The following AGO2 variants were observed in gnomAD, a reference collection of about 807,000 sequenced individuals.
AGO2 encodes the protein protein argonaute-2.
In AGO2, 5 loss-of-function variants were observed where a neutral mutation model predicts 102.3. The observed-to-expected ratio is 0.05, with a 90% CI of 0.03 to 0.10. The LOEUF (loss-of-function observed/expected upper bound fraction) is 0.10. AGO2 is among the 10% of genes least tolerant of loss of function. The pLI is 1.00. For synonymous variants in AGO2, 449 were observed against 473.1 expected (o/e 0.95, Z 0.66); for missense variants, 541 against 1,183.7 (o/e 0.46, Z 7.97).
chr8:140,617,221 T>C (rs2152104882), intron 1 of AGO2, among the ~76,000 whole-genome samples: 1 of 152,002 alleles, frequency 6.6e-6, no homozygotes, highest in South Asian at 2.1e-4. Context: ...CTCGGGCGCA[T>C]TGACCTGTTC....
At chr8:140,627,084 G>A (rs1048725566) in intron 1 of AGO2, among the ~76,000 whole-genome samples, 1 of 152,198 alleles carries the variant, frequency 6.6e-6, no homozygotes, top group Non-Finnish European at 1.5e-5. Flanking sequence ...CAAAGCAGGG[G>A]CTAAAGAACT....
the AGO2 span, among the ~76,000 whole-genome samples, chr8:140,640,740 C>T: frequency 1.3e-5 from 2 of 151,862 alleles, no homozygotes; most frequent in Non-Finnish European, 2.9e-5. Context: ...AGGCTGGTCT[C>T]GAACTCCTGA....
At position 140,635,578 on chromosome 8, in the gene AGO2, C is replaced by G; in HGVS notation, c.-72G>C. 2.1e-6 allele frequency: 2 copies of G among 952,622 alleles called. No individual in the cohort carries two copies. The highest frequency in any genetic ancestry group is 1.2e-6 in the Non-Finnish European group (1 of 803,224). The allele number at this position is 952,622 out of a possible 1,614,324, so 59.0% of individuals were successfully genotyped here. ...CGCCACGGGCCCCGACGCCGCGAGC[C>G]GCGAGGGAGCCGCCGGCCGCACGAT... is the stretch of plus-strand genomic sequence containing the variant. On this transcript the variant is annotated 5_prime_UTR_variant, in exon 1 of 19. Transcript: ENST00000220592.
chr8:140,590,410 A>G (rs2073730177), intron 1 of AGO2, among the ~76,000 whole-genome samples: 1 of 152,160 alleles, frequency 6.6e-6, no homozygotes, highest in Non-Finnish European at 1.5e-5. Flanking sequence ...ACGCCGAGGA[A>G]GCGGAGGCAC....
At chr8:140,568,242 C>T (rs1037399114) in intron 3 of AGO2, among the ~76,000 whole-genome samples, 13 of 141,754 alleles carry the variant, frequency 9.2e-5, no homozygotes, top group Admixed American at 7.0e-4. Flanking sequence ...TGACATCGTG[C>T]TACTGCACTC....
chr8:140,534,377 G>C (rs6994531), intron 17 of AGO2, among the ~76,000 whole-genome samples: 1 of 152,216 alleles, frequency 6.6e-6, no homozygotes, highest in Non-Finnish European at 1.5e-5. Context: ...AGGGAAGACT[G>C]AACAGAGGGC....
intron 3 of AGO2, among the ~76,000 whole-genome samples, chr8:140,565,306 G>A (rs2073262838): frequency 6.6e-6 from 1 of 151,678 alleles, no homozygotes; most frequent in Non-Finnish European, 1.5e-5. Flanking sequence ...GGGCGTGGTG[G>A]CGGGCGCCTG....
Position 140,522,728 on chromosome 8 carries a change from A to AGG in AGO2, c.*9315_*9316insCC, listed in dbSNP as rs1236910419. On this transcript the variant is annotated 3_prime_UTR_variant, in exon 19 of 19. Coordinates refer to ENST00000220592, the MANE Select transcript of AGO2 (RefSeq NM_012154.5). ...AGGGAGGGGGAGGGGGGAGAGGGGG[A>AGG]GAGAGAGAGAGAGAGAGAGAGGTGT... is the stretch of plus-strand genomic sequence containing the variant. 1.5e-5 allele frequency: 2 copies of AGG among 129,596 alleles called. No homozygotes were observed. The highest frequency in any genetic ancestry group is 5.4e-5 in the African/African-American group (2 of 37,278). 8.0% of individuals were successfully genotyped at this position (129,596 alleles called of 1,614,324 possible). A position where few individuals can be genotyped will look rare whatever the true frequency, so the allele number is the denominator to read the frequency against.
Position 140,530,823 on chromosome 8 carries a change from G to C in AGO2, c.*1221C>G, listed in dbSNP as rs1161183497. 6.6e-6 allele frequency: 1 copy of C among 152,358 alleles called. No individual in the cohort carries two copies. Among genetic ancestry groups the C allele is most frequent in the African/African-American group, 2.4e-5 (1 of 41,454 alleles). 9.4% of individuals were successfully genotyped at this position (152,358 alleles called of 1,614,324 possible). A position where few individuals can be genotyped will look rare whatever the true frequency, so the allele number is the denominator to read the frequency against. The stretch of plus-strand genomic sequence containing the variant: ...CTGACAAAAGAGCACACGGAGAGGA[G>C]TGAGTCCCCACACATCAATGTTTCC... On this transcript the variant is annotated 3_prime_UTR_variant, in exon 19 of 19. Transcript: ENST00000220592.
Position 140,525,452 on chromosome 8 carries a change from G to C in AGO2, c.*6592C>G, listed in dbSNP as rs540029891. 1 of 152,458 alleles carries C rather than the reference G, an allele frequency of 6.6e-6. No individual in the cohort carries two copies. Among genetic ancestry groups the C allele is most frequent in the African/African-American group, 2.4e-5 (1 of 41,594 alleles). The allele number at this position is 152,458 out of a possible 1,614,324, so 9.4% of individuals were successfully genotyped here. On this transcript the variant is annotated 3_prime_UTR_variant, in exon 19 of 19. Transcript: ENST00000220592. Reference sequence around the variant, plus strand: ...ACCCACGGGGGCCCAAGCCTCTTGAGGTCGGTCCGCACAGAACAGCGTGGC... The same window carrying C: ...ACCCACGGGGGCCCAAGCCTCTTGACGTCGGTCCGCACAGAACAGCGTGGC...
chr8:140,541,658 C>G (rs1035147565), intron 14 of AGO2, among the ~76,000 whole-genome samples: 3 of 152,176 alleles, frequency 2.0e-5, no homozygotes, highest in Non-Finnish European at 4.4e-5. Context: ...AATCCCAGCA[C>G]TTTGGAGGCC....
intron 2 of AGO2, among the ~76,000 whole-genome samples, chr8:140,577,783 C>A (rs1315773654): frequency 6.6e-6 from 1 of 152,190 alleles, no homozygotes; most frequent in Non-Finnish European, 1.5e-5. Context: ...TACAACCGAG[C>A]CCCACTACTG....
upstream of AGO2, chr8:140,636,882 CAGTGTGCTCAT>C (rs2074414015): frequency 6.6e-6 from 1 of 152,258 alleles, no homozygotes; most frequent in Admixed American, 6.5e-5. Context: ...GATGGAGAAA[CAGTGTGCTCAT>C]ATTCACAGGA....
intron 11 of AGO2, among the ~76,000 whole-genome samples, chr8:140,550,997 C>G (rs2072983737): frequency 6.6e-6 from 1 of 152,204 alleles, no homozygotes; most frequent in Non-Finnish European, 1.5e-5. Flanking sequence ...GAATCCAATT[C>G]TCTCTTTTGC....
upstream of AGO2, among the ~76,000 whole-genome samples, chr8:140,640,107 C>T (rs1303654739): frequency 4.6e-5 from 7 of 152,146 alleles, no homozygotes; most frequent in Admixed American, 1.3e-4. Flanking sequence ...CTCCTGGGTT[C>T]GAGTGATTCT....
At chr8:140,544,921 C>T (rs1432154810) in intron 13 of AGO2, among the ~76,000 whole-genome samples, 6 of 152,218 alleles carry the variant, frequency 3.9e-5, no homozygotes, top group Admixed American at 3.9e-4. Flanking sequence ...GGCATGTGGG[C>T]CTCGGGCTCT....
chr8:140,570,303 G>A (rs2063957), intron 3 of AGO2, among the ~76,000 whole-genome samples: 56,573 of 152,022 alleles, frequency 0.37, 11,158 homozygotes, highest in East Asian at 0.58. Context: ...TTGGCTCACT[G>A]CAACCTCCAT....
chr8:140,614,594 C>T (rs1171914531), intron 1 of AGO2, among the ~76,000 whole-genome samples: 1 of 152,214 alleles, frequency 6.6e-6, no homozygotes, highest in African/African-American at 2.4e-5. Context: ...AGTGACAATG[C>T]AGCCCACACT....
chr8:140,589,861 T>C lies in AGO2; in HGVS notation c.23-4550A>G, dbSNP rs932201200. Among the ~76,000 whole-genome samples, 1 of 151,636 alleles carries C rather than the reference T, an allele frequency of 6.6e-6. No individual in the cohort carries two copies. The highest frequency in any genetic ancestry group is 2.4e-5 in the African/African-American group (1 of 41,224). On this transcript the variant is annotated intron_variant, in intron 1 of 18. Coordinates refer to ENST00000220592, the MANE Select transcript of AGO2 (RefSeq NM_012154.5). The surrounding 1 kb of genome is among the most constrained non-coding windows in gnomAD (Gnocchi z 4.2). Reference sequence around the variant, plus strand: ...AGTACAGACCAGAGAGTAGATGCTATCAAGCTGTACTCTCCTGCTAAAATC... The same window carrying C: ...AGTACAGACCAGAGAGTAGATGCTACCAAGCTGTACTCTCCTGCTAAAATC...
Sources: allele counts gnomAD v4.1 joint callset (sites outside exome capture counted in the v4.1 genomes callset), GRCh38; gene constraint gnomAD v4.1.1; non-coding constraint Gnocchi (gnomAD v3.1); transcripts MANE v1.5; gene names NCBI Gene and HGNC (gene_info 2026-07-23, HGNC 2026-07-21).